The following HSD11B1 variants were observed in gnomAD, a reference collection of about 807,000 sequenced individuals.
HSD11B1 encodes 11-beta-hydroxysteroid dehydrogenase 1.
HSD11B1 carries 15 observed loss-of-function variants against 22.1 expected under a neutral mutation model. That is an observed-to-expected ratio of 0.68 (90% CI 0.45 to 1.04). The LOEUF (loss-of-function observed/expected upper bound fraction) is 1.04. Among genes scored for constraint, HSD11B1 ranks in the 50% least tolerant of loss-of-function variants. The probability of loss-of-function intolerance (pLI) is 0.00; values close to 1 mark genes in which losing one functional copy is unlikely to be tolerated. For synonymous variants in HSD11B1, 122 were observed against 125.2 expected (o/e 0.97, Z 0.17); for missense variants, 281 against 357.6 (o/e 0.79, Z 1.73).
intron 1 of HSD11B1, among the ~76,000 whole-genome samples, chr1:209,695,427 G>A (rs1257127803): frequency 6.6e-6 from 1 of 152,148 alleles, no homozygotes; most frequent in African/African-American, 2.4e-5. Context: ...CTAATTAGAC[G>A]GATGGTGAAG....
upstream of HSD11B1, among the ~76,000 whole-genome samples, chr1:209,699,893 A>C (rs1420603905): frequency 6.6e-6 from 1 of 152,202 alleles, no homozygotes; most frequent in African/African-American, 2.4e-5. Context: ...TAAAATCCAA[A>C]GGGGCAGTCA....
At chr1:209,715,009 C>G (rs1219261732) in intron 4 of HSD11B1, among the ~76,000 whole-genome samples, 1 of 152,174 alleles carries the variant, frequency 6.6e-6, no homozygotes, top group Non-Finnish European at 1.5e-5. Context: ...GAGGGCCTGC[C>G]ATGGGCAGCC....
chr1:209,733,808 A>G (rs1285560497), intron 5 of HSD11B1, among the ~76,000 whole-genome samples: 1 of 152,188 alleles, frequency 6.6e-6, no homozygotes, highest in Non-Finnish European at 1.5e-5. Flanking sequence ...TGCAAGATGG[A>G]CATGAAAACT....
intron 4 of HSD11B1, among the ~76,000 whole-genome samples, chr1:209,715,424 C>A (rs1455746417): frequency 2.0e-5 from 3 of 150,276 alleles, no homozygotes; most frequent in Admixed American, 6.6e-5. Context: ...AAAAAAAAAA[C>A]AACAACAACA....
chr1:209,693,770 C>T (rs1051910102), intron 1 of HSD11B1, among the ~76,000 whole-genome samples: 8 of 152,236 alleles, frequency 5.3e-5, no homozygotes, highest in Admixed American at 1.3e-4. Flanking sequence ...AACCCTCTTT[C>T]AGATCTCCAT....
In HSD11B1 at chr1:209,734,520, A is replaced by T. The variant is rs1431504042; in HGVS notation, c.878A>T (p.Ter293LeuextTer9). 7 of 1,609,544 alleles carry T rather than the reference A, an allele frequency of 4.3e-6. No individual in the cohort carries two copies. In the Admixed American group the frequency reaches 1.0e-4, roughly 23 times the overall value. Residue 293 changes from the stop codon to leucine (L), a stop_lost, in exon 6 of 6, where the codon TAG (stop) becomes TTG (leucine). Transcript: ENST00000367027. ...SYNMDRFINK[*>L] Reference sequence around the variant, plus strand: ...AATATGGACAGATTCATAAACAAGTAGGAACTCCCTGAGGGCTGGGCATGC... The same window carrying T: ...AATATGGACAGATTCATAAACAAGTTGGAACTCCCTGAGGGCTGGGCATGC...
rs561697451 is a variant in HSD11B1, at chr1:209,692,572, C to A, written c.-49+6287C>A. Among the ~76,000 whole-genome samples, 17 of 118,058 alleles carry A rather than the reference C, an allele frequency of 1.4e-4. No individual in the cohort carries two copies. The East Asian group carries it at 3.8e-3, about 26-fold the overall frequency. 77.5% of individuals were successfully genotyped at this position (118,058 alleles called of 152,430 possible). ...TGGGGGATGATGGCAAATGAAAAAACCAATTAGAGATCAAGGAATCGGGTA... is the reference window on the plus strand; with the variant it reads ...TGGGGGATGATGGCAAATGAAAAAAACAATTAGAGATCAAGGAATCGGGTA... On this transcript the variant is annotated intron_variant, in intron 1 of 6. Coordinates refer to the HSD11B1 transcript ENST00000261465.
chr1:209,721,172 C>T (rs1177845023), intron 4 of HSD11B1, among the ~76,000 whole-genome samples: 1 of 152,186 alleles, frequency 6.6e-6, no homozygotes, highest in Non-Finnish European at 1.5e-5. Context: ...GACTTCTTGA[C>T]TCCAGCACTG....
chr1:209,694,516 T>C (rs1029988002), intron 1 of HSD11B1, among the ~76,000 whole-genome samples: 11 of 152,194 alleles, frequency 7.2e-5, no homozygotes, highest in Non-Finnish European at 1.6e-4. Context: ...TGATAAGGAA[T>C]TGGGGCAAGG....
At chr1:209,691,408 A>G (rs2076758902) in intron 1 of HSD11B1, among the ~76,000 whole-genome samples, 1 of 152,230 alleles carries the variant, frequency 6.6e-6, no homozygotes, top group Admixed American at 6.5e-5. Context: ...GTAAATCAAG[A>G]AAGAGAAAAA....
rs535417729 is a variant in HSD11B1 at position 209,712,788 on chromosome 1, C to T, written c.517+5660C>T. 6.6e-5 allele frequency among the ~76,000 whole-genome samples: 10 copies of T among 152,312 alleles called. No individual in the cohort carries two copies. The South Asian group carries it at 1.9e-3, about 28-fold the overall frequency. On this transcript the variant is annotated intron_variant, in intron 4 of 5. Transcript: ENST00000367027. ...TCCTTTGGCCAGGCGCAGTGGTTTA[C>T]GCCTGTAATCCCAGCACTTTGGGAG...
At chr1:209,695,805 C>CA (rs1243669642) in intron 1 of HSD11B1, among the ~76,000 whole-genome samples, 1 of 151,762 alleles carries the variant, frequency 6.6e-6, no homozygotes, top group Non-Finnish European at 1.5e-5. Context: ...GACTCCGTCT[C>CA]AAAAAAATAA....
Position 209,720,478 on chromosome 1 carries a change from C to T in HSD11B1, c.518-11958C>T, listed in dbSNP as rs563785489. On this transcript the variant is annotated intron_variant, in intron 4 of 5. Coordinates refer to ENST00000367027, the MANE Select transcript of HSD11B1 (RefSeq NM_005525.4). ...AGCCTTTCCATGTAATCAACACTCC[C>T]ATGATGACCATATCCACATGACATT... Among the ~76,000 whole-genome samples, 16 of 151,594 alleles carry T rather than the reference C, an allele frequency of 1.1e-4. No homozygotes were observed. The East Asian group carries it at 1.4e-3, about 13-fold the overall frequency.
At chr1:209,721,469 C>CAAAAAAAAAA (rs3059693) in intron 4 of HSD11B1, among the ~76,000 whole-genome samples, 1 of 101,822 alleles carries the variant, frequency 9.8e-6, no homozygotes, top group African/African-American at 3.3e-5. Context: ...ATTTCAAAAG[C>CAAAAAAAAAA]AAAAAAAAAA....
chr1:209,708,023 G>A (rs1158091974), intron 4 of HSD11B1, among the ~76,000 whole-genome samples: 1 of 152,172 alleles, frequency 6.6e-6, no homozygotes, highest in African/African-American at 2.4e-5. Flanking sequence ...AACCAGCTGG[G>A]TAGGGAGGAA....
chr1:209,731,855 C>T (rs1015310751), intron 4 of HSD11B1, among the ~76,000 whole-genome samples: 1 of 152,184 alleles, frequency 6.6e-6, no homozygotes, highest in Non-Finnish European at 1.5e-5. Context: ...GCTAGGACTA[C>T]AGGCATGTGC....
intron 5 of HSD11B1, 83 bp downstream of exon 5, chr1:209,732,662 A>C (rs1032701498): frequency 8.8e-7 from 1 of 1,132,452 alleles, no homozygotes; most frequent in African/African-American, 1.5e-5. Flanking sequence ...GGTTTGTTAC[A>C]TATGTATGCA....
rs115342280 is a variant in HSD11B1 at position 209,731,014 on chromosome 1, T to A, written c.518-1422T>A. Among the ~76,000 whole-genome samples, 1,283 of 152,290 alleles carry A rather than the reference T, an allele frequency of 8.4e-3. 12 individuals carry two copies. Among genetic ancestry groups the A allele is most frequent in the African/African-American group, 0.028 (1,167 of 41,546 alleles). ...GCTTTAGGCCTAAGGGCAACCCCAA[T>A]CAGTGCCATATCTGGGATAGAAACC... On this transcript the variant is annotated intron_variant, in intron 4 of 5. Coordinates refer to ENST00000367027, the MANE Select transcript of HSD11B1 (RefSeq NM_005525.4).
rs2076776373 is a variant in HSD11B1 at position 209,694,037 on chromosome 1, C to T, written c.-49+7752C>T. On this transcript the variant is annotated intron_variant, in intron 1 of 6. Coordinates refer to the HSD11B1 transcript ENST00000261465. Reference sequence around the variant, plus strand: ...CCCAGCTCACCGTTGTTCTCCTTTGCTGGCCCTCCCCTTCCGCCCAACCCT... The same window carrying T: ...CCCAGCTCACCGTTGTTCTCCTTTGTTGGCCCTCCCCTTCCGCCCAACCCT... 3.9e-5 allele frequency among the ~76,000 whole-genome samples: 6 copies of T among 152,158 alleles called. No individual in the cohort carries two copies. In the South Asian group the frequency reaches 1.2e-3, roughly 32 times the overall value.
Sources: gnomAD v4.1 joint callset for allele counts (sites outside exome capture counted in the v4.1 genomes callset) on GRCh38, gnomAD v4.1.1 for gene constraint, MANE v1.5 for transcripts, NCBI Gene and HGNC (gene_info 2026-07-23, HGNC 2026-07-21) for gene names.